CFAP157: variants seen among roughly 807,000 people sequenced by gnomAD.
CFAP157 encodes cilia and flagella associated protein 157.
CFAP157 carries 43 observed loss-of-function variants against 57.8 expected under a neutral mutation model. The ratio of observed to expected loss-of-function variants is 0.74; its 90% CI spans 0.58 to 0.96. The LOEUF is 0.96. CFAP157 is among the 40% of genes least tolerant of loss of function. CFAP157 has a pLI of 0.00. For synonymous variants in CFAP157, 267 were observed against 269.0 expected (o/e 0.99, Z 0.07); for missense variants, 606 against 655.3 (o/e 0.92, Z 0.82).
chr9:127,712,467 C>G, intron 6 of CFAP157, 118 bp downstream of exon 6: 7 of 1,469,290 alleles, frequency 4.8e-6, no homozygotes, highest in Non-Finnish European at 5.5e-6. Flanking sequence ...CTGAGAGACT[C>G]CTGGAAAGTC....
rs760977756 is a variant in CFAP157, at chr9:127,714,611, G to GC, written c.*712dup. The GC allele has an allele frequency of 1.4e-5, 23 of 1,613,564 alleles. No homozygotes were observed. The highest frequency in any genetic ancestry group is 1.9e-5 in the Non-Finnish European group (23 of 1,179,646). On this transcript the variant is annotated 3_prime_UTR_variant, in exon 9 of 9. Coordinates refer to ENST00000373295, the MANE Select transcript of CFAP157 (RefSeq NM_001012502.3). Reference sequence around the variant, plus strand: ...CCATCTCAGGACCTCACCTGGCACTGCCCCCCAGCTTCAGAGCCAGTCTCC... The same window carrying GC: ...CCATCTCAGGACCTCACCTGGCACTGCCCCCCCAGCTTCAGAGCCAGTCTCC...
rs960230739 is a variant in CFAP157 at position 127,714,380 on chromosome 9, T to A, written c.*475T>A. On this transcript the variant is annotated 3_prime_UTR_variant, in exon 9 of 9. Coordinates refer to ENST00000373295, the MANE Select transcript of CFAP157 (RefSeq NM_001012502.3). ...TGCACAACAAAAGGGTAGACTCACATTGGAGTTGAGGCAGCTAATGCAGGA... is the reference window on the plus strand; with the variant it reads ...TGCACAACAAAAGGGTAGACTCACAATGGAGTTGAGGCAGCTAATGCAGGA... The A allele has an allele frequency of 6.2e-7, 1 of 1,614,054 alleles. No individual in the cohort carries two copies. The highest frequency in any genetic ancestry group is 8.5e-7 in the Non-Finnish European group (1 of 1,180,030).
Position 127,714,897 on chromosome 9 carries a change from C to G in CFAP157, c.*992C>G. On this transcript the variant is annotated 3_prime_UTR_variant, in exon 9 of 9. Coordinates refer to ENST00000373295, the MANE Select transcript of CFAP157 (RefSeq NM_001012502.3). ...GGTGAACCCGCGGATCTGTCACAGC[C>G]AGTGCTCCCCTCTGGCCCCCGCGCC... The G allele has an allele frequency of 9.6e-7, 1 of 1,043,254 alleles. No individual in the cohort carries two copies. The highest frequency in any genetic ancestry group is 2.6e-5 in the East Asian group (1 of 38,774). The allele number at this position is 1,043,254 out of a possible 1,614,324, so 64.6% of individuals were successfully genotyped here.
chr9:127,715,204 G>A lies in CFAP157; in HGVS notation c.*1299G>A. 2 of 1,526,184 alleles carry A rather than the reference G, an allele frequency of 1.3e-6. No homozygotes were observed. Among genetic ancestry groups the A allele is most frequent in the Admixed American group, 2.0e-5 (1 of 49,884 alleles). 94.5% of individuals were successfully genotyped at this position (1,526,184 alleles called of 1,614,324 possible). On this transcript the variant is annotated 3_prime_UTR_variant, in exon 9 of 9. Coordinates refer to ENST00000373295, the MANE Select transcript of CFAP157 (RefSeq NM_001012502.3). The surrounding 1 kb of genome is among the most constrained non-coding windows in gnomAD (Gnocchi z 5.8). The stretch of plus-strand genomic sequence containing the variant: ...TCCCCAGGCCAGCCACCTGCGGGCG[G>A]CACCAGGGAAACTGAGGCCCAACAA...
At position 127,715,907 on chromosome 9, in the gene CFAP157, C is replaced by G; in HGVS notation, c.*2002C>G. On this transcript the variant is annotated 3_prime_UTR_variant, in exon 9 of 9. Transcript: ENST00000373295. This position sits in a 1 kb window ranked among gnomAD's most constrained non-coding sequence, Gnocchi z 5.8. ...CCTTCGGTTGGGAGGCCTTGTTATG[C>G]CCCCCGCTATGGCCCTGACTTGCGG... 2.6e-6 allele frequency: 2 copies of G among 767,458 alleles called. No homozygotes were observed. Among genetic ancestry groups the G allele is most frequent in the Non-Finnish European group, 4.1e-6 (2 of 487,660 alleles). The allele number at this position is 767,458 out of a possible 1,614,324, so 47.5% of individuals were successfully genotyped here.
chr9:127,712,484 T>G, intron 6 of CFAP157, 135 bp downstream of exon 6: 40 of 1,456,828 alleles, frequency 2.7e-5, no homozygotes, highest in Non-Finnish European at 3.7e-5. Context: ...AGTCTGTCCT[T>G]CGCTGATTCT....
chr9:127,707,363 T>C (rs1564364327), intron 1 of CFAP157, among the ~76,000 whole-genome samples, 171 bp downstream of exon 1: 1 of 151,098 alleles, frequency 6.6e-6, no homozygotes, highest in Non-Finnish European at 1.5e-5. Context: ...CTTTGGGAGG[T>C]TTCAAGATTT....
At chr9:127,712,159 G>T in intron 5 of CFAP157, 40 bp from the exon 6 acceptor site, 1 of 1,610,222 alleles carries the variant, frequency 6.2e-7, no homozygotes, top group Non-Finnish European at 8.5e-7. Context: ...CAGTCCTGGG[G>T]AAGGGGGAAG....
At position 127,715,692 on chromosome 9, in the gene CFAP157, C is replaced by T. The variant is rs779106207; in HGVS notation, c.*1787C>T. 1 of 1,583,972 alleles carries T rather than the reference C, an allele frequency of 6.3e-7. No homozygotes were observed. The highest frequency in any genetic ancestry group is 8.6e-7 in the Non-Finnish European group (1 of 1,168,788). On this transcript the variant is annotated 3_prime_UTR_variant, in exon 9 of 9. Transcript: ENST00000373295. The surrounding 1 kb of genome is among the most constrained non-coding windows in gnomAD (Gnocchi z 5.8). ...CCCTGACGTCATCACCCCGCAGCAG[C>T]CAATCGTGTTGCCAACTGTTTGGCG...
At chr9:127,712,393 G>A (rs1842787743) in intron 6 of CFAP157, 44 bp downstream of exon 6, 7 of 1,606,572 alleles carry the variant, frequency 4.4e-6, no homozygotes, top group African/African-American at 1.3e-5. Flanking sequence ...GAGGGGGAGT[G>A]AGCGCAAGAT....
chr9:127,709,859 G>C lies in CFAP157; in HGVS notation c.433+166G>C, dbSNP rs948320425. On this transcript the variant is annotated intron_variant, in intron 2 of 8. Coordinates refer to ENST00000373295, the MANE Select transcript of CFAP157 (RefSeq NM_001012502.3). The surrounding 1 kb of genome is among the most constrained non-coding windows in gnomAD (Gnocchi z 4.7). ...CGAAGCTGGAAACATCCCCCAACCA[G>C]TTTGTAGACAAGGAAGCACCTCAAA... is the stretch of plus-strand genomic sequence containing the variant. 6.6e-6 allele frequency among the ~76,000 whole-genome samples: 1 copy of C among 152,174 alleles called. No individual in the cohort carries two copies.
rs2131589762 is a variant in CFAP157, at chr9:127,711,319, G to A, written c.678G>A (p.Arg226=). Reference sequence around the variant, plus strand: ...ACCGGATGTGGGAGACAACCAAGCGGGCCATCAAAGAGAACAACGGCATTA... The same window carrying A: ...ACCGGATGTGGGAGACAACCAAGCGAGCCATCAAAGAGAACAACGGCATTA... ...TTNRMWETTK[R]AIKENNGITL... is the part of the protein sequence containing the mutation. The change falls in exon 4 of 9, where the codon CGG becomes CGA. Residue 226 remains arginine (R), a synonymous_variant. Coordinates refer to ENST00000373295, the MANE Select transcript of CFAP157 (RefSeq NM_001012502.3). 1 of 1,614,176 alleles carries A rather than the reference G, an allele frequency of 6.2e-7. No individual in the cohort carries two copies. The highest frequency in any genetic ancestry group is 2.2e-5 in the East Asian group (1 of 44,890).
rs771592154 is a variant in CFAP157, at chr9:127,709,594, A to G, written c.334A>G (p.Lys112Glu). 6.2e-7 allele frequency: 1 copy of G among 1,614,040 alleles called. No homozygotes were observed. The highest frequency in any genetic ancestry group is 2.2e-5 in the East Asian group (1 of 44,888). ...NEQLQNLQLA[K>E]EMEKDAFEAQ... is the part of the protein sequence containing the mutation. ...GCAGCTCCAGAACTTGCAGCTAGCC[A>G]AAGAGATGGAGAAGGATGCCTTCGA... is the stretch of plus-strand genomic sequence containing the variant. The change falls in exon 2 of 9, where the codon AAA (lysine) becomes GAA (glutamate). Residue 112 changes from lysine (K) to glutamate (E), a missense_variant. Lys to Glu is a moderately conservative substitution (Grantham distance 56). Coordinates refer to ENST00000373295, the MANE Select transcript of CFAP157 (RefSeq NM_001012502.3). The surrounding 1 kb of genome is among the most constrained non-coding windows in gnomAD (Gnocchi z 4.7).
At position 127,712,895 on chromosome 9, in the gene CFAP157, T is replaced by C; in HGVS notation, c.1304+20T>C. 1.2e-6 allele frequency: 2 copies of C among 1,601,948 alleles called. No homozygotes were observed. The highest frequency in any genetic ancestry group is 1.7e-6 in the Non-Finnish European group (2 of 1,173,836). On this transcript the variant is annotated intron_variant, in intron 7 of 8. Coordinates refer to ENST00000373295, the MANE Select transcript of CFAP157 (RefSeq NM_001012502.3). The stretch of plus-strand genomic sequence containing the variant: ...GGAGAGGTAAGCAAGTGGCCCTGTG[T>C]GGCCTCAGAGGCAGCCACAGAGAGC...
In CFAP157 at chr9:127,715,240, C is replaced by G; in HGVS notation, c.*1335C>G. ...ACTGAGGCCCAACAACTCTCGCCAC[C>G]CCCGATCTCACAGCGTCCCGTGGGC... On this transcript the variant is annotated 3_prime_UTR_variant, in exon 9 of 9. Transcript: ENST00000373295. The surrounding 1 kb of genome is among the most constrained non-coding windows in gnomAD (Gnocchi z 5.8). The G allele has an allele frequency of 6.6e-7, 1 of 1,512,918 alleles. No individual in the cohort carries two copies. Among genetic ancestry groups the G allele is most frequent in the Non-Finnish European group, 8.9e-7 (1 of 1,126,538 alleles). 93.7% of individuals were successfully genotyped at this position (1,512,918 alleles called of 1,614,324 possible). A position where few individuals can be genotyped will look rare whatever the true frequency, so the allele number is the denominator to read the frequency against.
At position 127,714,656 on chromosome 9, in the gene CFAP157, A is replaced by C. The variant is rs1404626824; in HGVS notation, c.*751A>C. 1 of 1,613,890 alleles carries C rather than the reference A, an allele frequency of 6.2e-7. No individual in the cohort carries two copies. The highest frequency in any genetic ancestry group is 2.2e-5 in the East Asian group (1 of 44,852). On this transcript the variant is annotated 3_prime_UTR_variant, in exon 9 of 9. Coordinates refer to ENST00000373295, the MANE Select transcript of CFAP157 (RefSeq NM_001012502.3). Reference sequence around the variant, plus strand: ...GTCTCCCCAGGGGCTTGTCCAGCTCATCATGCACCAGGTAGACTTCCTCGG... The same window carrying C: ...GTCTCCCCAGGGGCTTGTCCAGCTCCTCATGCACCAGGTAGACTTCCTCGG...
In CFAP157 at chr9:127,715,102, C is replaced by G. The variant is rs1448527985; in HGVS notation, c.*1197C>G. ...AGTGCCGGTCGCGCGTCCAACTCTCCGCCACACCCAGCCGCCGCGCCAGCT... is the reference window on the plus strand; with the variant it reads ...AGTGCCGGTCGCGCGTCCAACTCTCGGCCACACCCAGCCGCCGCGCCAGCT... On this transcript the variant is annotated 3_prime_UTR_variant, in exon 9 of 9. Coordinates refer to ENST00000373295, the MANE Select transcript of CFAP157 (RefSeq NM_001012502.3). The surrounding 1 kb of genome is among the most constrained non-coding windows in gnomAD (Gnocchi z 5.8). 1 of 1,533,498 alleles carries G rather than the reference C, an allele frequency of 6.5e-7. No individual in the cohort carries two copies. The highest frequency in any genetic ancestry group is 1.4e-5 in the African/African-American group (1 of 72,914). The allele number at this position is 1,533,498 out of a possible 1,614,324, so 95.0% of individuals were successfully genotyped here.
In CFAP157 at chr9:127,715,082, C is replaced by G. The variant is rs1341336593; in HGVS notation, c.*1177C>G. 5.2e-6 allele frequency: 8 copies of G among 1,531,992 alleles called. No individual in the cohort carries two copies. The highest frequency in any genetic ancestry group is 4.8e-5 in the South Asian group (4 of 83,694). 94.9% of individuals were successfully genotyped at this position (1,531,992 alleles called of 1,614,324 possible). On this transcript the variant is annotated 3_prime_UTR_variant, in exon 9 of 9. Coordinates refer to ENST00000373295, the MANE Select transcript of CFAP157 (RefSeq NM_001012502.3). This position sits in a 1 kb window ranked among gnomAD's most constrained non-coding sequence, Gnocchi z 5.8. Reference sequence around the variant, plus strand: ...CAGGGCGAGGTCGGCGGCACAGTGCCGGTCGCGCGTCCAACTCTCCGCCAC... The same window carrying G: ...CAGGGCGAGGTCGGCGGCACAGTGCGGGTCGCGCGTCCAACTCTCCGCCAC...
Position 127,715,843 on chromosome 9 carries a change from C to T in CFAP157, c.*1938C>T, listed in dbSNP as rs1472300964. 9.7e-7 allele frequency: 1 copy of T among 1,034,078 alleles called. No individual in the cohort carries two copies. Among genetic ancestry groups the T allele is most frequent in the Non-Finnish European group, 1.4e-6 (1 of 716,250 alleles). 64.1% of individuals were successfully genotyped at this position (1,034,078 alleles called of 1,614,324 possible). A position where few individuals can be genotyped will look rare whatever the true frequency, so the allele number is the denominator to read the frequency against. On this transcript the variant is annotated 3_prime_UTR_variant, in exon 9 of 9. Coordinates refer to ENST00000373295, the MANE Select transcript of CFAP157 (RefSeq NM_001012502.3). The surrounding 1 kb of genome is among the most constrained non-coding windows in gnomAD (Gnocchi z 5.8). Reference sequence around the variant, plus strand: ...TCAGTAGCGCGGCGTCACAGTGTCCCTTCGGGACTTGTGTGGGACGCTCGG... The same window carrying T: ...TCAGTAGCGCGGCGTCACAGTGTCCTTTCGGGACTTGTGTGGGACGCTCGG...
Sources: gnomAD v4.1 joint callset for allele counts (sites outside exome capture counted in the v4.1 genomes callset) on GRCh38, gnomAD v4.1.1 for gene constraint, Gnocchi (gnomAD v3.1) non-coding constraint, MANE v1.5 for transcripts, NCBI Gene and HGNC (gene_info 2026-07-23, HGNC 2026-07-21) for gene names.